Variants in MALRD1 observed in about 807,000 individuals in gnomAD.
MALRD1 encodes the protein MAM and LDL-receptor class A domain-containing protein 1.
MALRD1 carries 247 observed loss-of-function variants against 242.1 expected under a neutral mutation model. The observed-to-expected ratio is 1.02, with a 90% CI of 0.92 to 1.13. The LOEUF is 1.13. Among genes scored for constraint, MALRD1 ranks in the 50% most tolerant of loss-of-function variants. The probability of loss-of-function intolerance (pLI) is 0.00; values close to 1 mark genes in which losing one functional copy is unlikely to be tolerated. For missense variants in MALRD1, 2,989 were observed against 2,533.1 expected (o/e 1.18, Z -3.86); for synonymous variants, 995 against 866.6 (o/e 1.15, Z -2.60).
chr10:19,322,663 C>T (rs1387677644), intron 21 of MALRD1, among the ~76,000 whole-genome samples: 1 of 152,214 alleles, frequency 6.6e-6, no homozygotes, highest in Non-Finnish European at 1.5e-5. Flanking sequence ...CAATTATATT[C>T]GTAGAAACTT....
At chr10:19,333,847 T>C (rs2130929937) in intron 24 of MALRD1, among the ~76,000 whole-genome samples, 2 of 152,264 alleles carry the variant, frequency 1.3e-5, no homozygotes, top group Middle Eastern at 6.8e-3. Context: ...TTTTGACTAG[T>C]GTAAGATGGT....
chr10:19,065,476 C>G (rs1395206215), intron 1 of MALRD1, among the ~76,000 whole-genome samples: 1 of 151,964 alleles, frequency 6.6e-6, no homozygotes, highest in Non-Finnish European at 1.5e-5. Context: ...GTTTTTGTAG[C>G]TATCTGCTGG....
chr10:19,496,768 A>G (rs34005261), intron 30 of MALRD1, among the ~76,000 whole-genome samples: 40,199 of 152,090 alleles, frequency 0.26, 5,926 homozygotes, highest in East Asian at 0.42. Flanking sequence ...ATATTTTTAA[A>G]TTAATAGGGT....
At chr10:19,614,664 G>C (rs904778585) in intron 35 of MALRD1, among the ~76,000 whole-genome samples, 9 of 151,968 alleles carry the variant, frequency 5.9e-5, no homozygotes, top group African/African-American at 2.2e-4. Flanking sequence ...TCTCACGGTA[G>C]TTACTCTATG....
In MALRD1 at chr10:19,454,559, A is replaced by G. The variant is rs182444755; in HGVS notation, c.5029+4069A>G. ...AAGTTGAAAATGCATTCCATACCCAATAAACCCATTATAAAGTCAAAAAAT... is the reference window on the plus strand; with the variant it reads ...AAGTTGAAAATGCATTCCATACCCAGTAAACCCATTATAAAGTCAAAAAAT... On this transcript the variant is annotated intron_variant, in intron 29 of 39. Coordinates refer to ENST00000454679, the MANE Select transcript of MALRD1 (RefSeq NM_001142308.3). Among the ~76,000 whole-genome samples the G allele has an allele frequency of 2.6e-3, 397 of 151,028 alleles. 3 individuals carry two copies. The highest frequency in any genetic ancestry group is 3.7e-3 in the Non-Finnish European group (248 of 67,760).
chr10:19,538,360 T>C (rs1834779704), intron 32 of MALRD1, among the ~76,000 whole-genome samples: 1 of 152,206 alleles, frequency 6.6e-6, no homozygotes, highest in African/African-American at 2.4e-5. Flanking sequence ...TGCTAATTTG[T>C]ACTTACTTAA....
At chr10:19,336,903 A>G (rs562295784) in intron 24 of MALRD1, among the ~76,000 whole-genome samples, 3 of 152,226 alleles carry the variant, frequency 2.0e-5, no homozygotes, top group Admixed American at 6.5e-5. Context: ...TATTTAATTA[A>G]TATATATTTA....
chr10:19,709,226 T>G (rs1589428082), intron 38 of MALRD1, among the ~76,000 whole-genome samples: 1 of 129,242 alleles, frequency 7.7e-6, no homozygotes, highest in Non-Finnish European at 1.6e-5. Context: ...GCTAACATGG[T>G]GAAACCCCGT....
intron 21 of MALRD1, among the ~76,000 whole-genome samples, chr10:19,317,848 G>C (rs555844125): frequency 6.6e-6 from 1 of 152,106 alleles, no homozygotes. Flanking sequence ...CTATAAATCA[G>C]ATCTCTTTTT....
chr10:19,655,778 A>G (rs1841127583), intron 36 of MALRD1, among the ~76,000 whole-genome samples: 1 of 151,900 alleles, frequency 6.6e-6, no homozygotes, highest in African/African-American at 2.4e-5. Flanking sequence ...ACATATTTCT[A>G]TTCTGCTAAA....
At chr10:19,293,426 G>C (rs1157448366) in intron 21 of MALRD1, among the ~76,000 whole-genome samples, 1 of 152,136 alleles carries the variant, frequency 6.6e-6, no homozygotes, top group Non-Finnish European at 1.5e-5. Context: ...ACAAAACAAT[G>C]TCCTTATTTT....
chr10:19,663,116 C>T (rs576504553), intron 36 of MALRD1, among the ~76,000 whole-genome samples: 19 of 152,086 alleles, frequency 1.2e-4, no homozygotes, highest in South Asian at 1.0e-3. Context: ...TTAGTTTAAC[C>T]GTCACCCATA....
intron 38 of MALRD1, among the ~76,000 whole-genome samples, chr10:19,699,106 C>A (rs1227553369): frequency 6.6e-6 from 1 of 151,930 alleles, no homozygotes; most frequent in Non-Finnish European, 1.5e-5. Context: ...GGCTTAAAAC[C>A]TAGATGACGG....
intron 33 of MALRD1, among the ~76,000 whole-genome samples, chr10:19,584,263 T>C (rs1296609981): frequency 6.6e-5 from 10 of 152,148 alleles, no homozygotes; most frequent in South Asian, 2.1e-4. Flanking sequence ...TTGCCTTCTG[T>C]TAGCTTTTGA....
At chr10:19,578,335 CAT>C (rs1447336883) in intron 33 of MALRD1, among the ~76,000 whole-genome samples, 1 of 152,046 alleles carries the variant, frequency 6.6e-6, no homozygotes, top group African/African-American at 2.4e-5. Flanking sequence ...ACTGTGTATA[CAT>C]ATATGAGTTT....
chr10:19,474,778 G>T (rs558417507), intron 29 of MALRD1, among the ~76,000 whole-genome samples: 20 of 151,862 alleles, frequency 1.3e-4, no homozygotes, highest in Admixed American at 1.3e-3. Flanking sequence ...TATAAATCAA[G>T]AACTGTTTTG....
At chr10:19,480,672 G>A (rs1479646927) in intron 29 of MALRD1, among the ~76,000 whole-genome samples, 2 of 152,228 alleles carry the variant, frequency 1.3e-5, no homozygotes, top group African/African-American at 4.8e-5. Flanking sequence ...GGCAAGGAGT[G>A]AGTGATGACT....
intron 18 of MALRD1, among the ~76,000 whole-genome samples, chr10:19,241,086 A>G (rs1330220440): frequency 6.6e-6 from 1 of 152,136 alleles, no homozygotes; most frequent in Non-Finnish European, 1.5e-5. Context: ...TAAGATGAGT[A>G]TGGAAGTCTT....
At position 19,283,037 on chromosome 10, in the gene MALRD1, T is replaced by C. The variant is rs1840895147; in HGVS notation, c.3275T>C (p.Phe1092Ser). The change falls in exon 21 of 40, where the codon TTT (phenylalanine) becomes TCT (serine). Residue 1092 changes from phenylalanine to serine, a missense_variant. Coordinates refer to ENST00000454679, the MANE Select transcript of MALRD1 (RefSeq NM_001142308.3). Reference protein sequence around the residue: ...EASCVMEVCSFEKRSLCKWYQ... With the variant: ...EASCVMEVCSSEKRSLCKWYQ... Reference sequence around the variant, plus strand: ...ATCCAAGTTATGGAAGTTTGCAGCTTTGAGAAAAGAAGCCTGTGTAAATGG... The same window carrying C: ...ATCCAAGTTATGGAAGTTTGCAGCTCTGAGAAAAGAAGCCTGTGTAAATGG... 5 of 1,546,384 alleles carry C rather than the reference T, an allele frequency of 3.2e-6. No individual in the cohort carries two copies. The highest frequency in any genetic ancestry group is 4.4e-6 in the Non-Finnish European group (5 of 1,144,578).
Sources: allele counts gnomAD v4.1 joint callset (sites outside exome capture counted in the v4.1 genomes callset), GRCh38; gene constraint gnomAD v4.1.1; transcripts MANE v1.5; gene names NCBI Gene and HGNC (gene_info 2026-07-23, HGNC 2026-07-21).